The following APP variants were observed in gnomAD, a reference collection of about 807,000 sequenced individuals.
The protein encoded by APP is amyloid beta precursor protein.
Under a neutral mutation model 101.4 loss-of-function variants are expected in APP, and 31 were observed. The ratio of observed to expected loss-of-function variants is 0.31; its 90% CI spans 0.23 to 0.41. The LOEUF is 0.41. APP is among the 10% of genes least tolerant of loss of function. APP has a pLI of 1.00. For synonymous variants in APP, 366 were observed against 364.4 expected (o/e 1.00, Z -0.05); for missense variants, 839 against 1,003.7 (o/e 0.84, Z 2.22).
At chr21:25,918,727 C>T (rs1046670513) in intron 13 of APP, among the ~76,000 whole-genome samples, 1 of 151,530 alleles carries the variant, frequency 6.6e-6, no homozygotes, top group Non-Finnish European at 1.5e-5. Flanking sequence ...CTCGGAGGGT[C>T]CTACGCCCAC....
chr21:26,170,967 C>T, upstream of APP: 1 of 212,902 alleles, frequency 4.7e-6, no homozygotes, highest in Non-Finnish European at 9.2e-6. Flanking sequence ...CCCCTCCGCT[C>T]CCCGGCCGAC....
intron 6 of APP, among the ~76,000 whole-genome samples, chr21:26,010,687 G>A (rs1465198474): frequency 5.9e-5 from 9 of 151,694 alleles, no homozygotes; most frequent in Non-Finnish European, 1.3e-4. Flanking sequence ...CGGGCGCAGT[G>A]GCAGGTGCCT....
chr21:25,969,872 A>AAGAAG (rs1490167421), intron 11 of APP, among the ~76,000 whole-genome samples: 1 of 107,492 alleles, frequency 9.3e-6, no homozygotes, highest in Non-Finnish European at 1.9e-5. Flanking sequence ...AAGAAAAGAA[A>AAGAAG]AGAGAAAAGA....
chr21:26,105,060 A>C (rs1466804524), intron 2 of APP, among the ~76,000 whole-genome samples: 10 of 106,736 alleles, frequency 9.4e-5, no homozygotes, highest in African/African-American at 3.8e-4. Context: ...GTTTCCACGC[A>C]TTTTTTTCAA....
At chr21:25,896,533 G>T (rs2146259192) in intron 16 of APP, among the ~76,000 whole-genome samples, 1 of 152,230 alleles carries the variant, frequency 6.6e-6, no homozygotes, top group East Asian at 1.9e-4. Context: ...TGATAAAATT[G>T]TCGTCTTCAT....
At chr21:26,159,601 A>C (rs1282124894) in intron 1 of APP, among the ~76,000 whole-genome samples, 1 of 152,234 alleles carries the variant, frequency 6.6e-6, no homozygotes, top group Non-Finnish European at 1.5e-5. Flanking sequence ...GAAATGAGCA[A>C]ACGAGCAATG....
At chr21:26,164,182 T>C (rs530446758) in intron 1 of APP, among the ~76,000 whole-genome samples, 10 of 152,294 alleles carry the variant, frequency 6.6e-5, no homozygotes, top group South Asian at 2.1e-4. Context: ...GAGGCGGAGA[T>C]TGCAGTGAGC....
At chr21:26,083,292 C>T (rs1355336391) in intron 3 of APP, among the ~76,000 whole-genome samples, 2 of 152,136 alleles carry the variant, frequency 1.3e-5, no homozygotes, top group East Asian at 3.8e-4. Context: ...AGAAAACCAC[C>T]TAAATGACCA....
At position 25,982,392 on chromosome 21, in the gene APP, C is replaced by T. The variant is rs1303646625; in HGVS notation, c.1176G>A (p.Gln392=). 1 of 1,613,810 alleles carries T rather than the reference C, an allele frequency of 6.2e-7. No individual in the cohort carries two copies. Among genetic ancestry groups the T allele is most frequent in the African/African-American group, 1.3e-5 (1 of 74,938 alleles). Residue 392 remains glutamine, a synonymous_variant, in exon 9 of 18, where the codon CAG becomes CAA. Coordinates refer to ENST00000346798, the MANE Select transcript of APP (RefSeq NM_000484.4). ...PGDENEHAHF[Q]KAKERLEAKH... is the part of the protein sequence containing the mutation. ...TGGCCTCAAGCCTCTCTTTGGCTTTCTGGAAATGGGCATGTTCATTCTCAT... is the reference window on the plus strand; with the variant it reads ...TGGCCTCAAGCCTCTCTTTGGCTTTTTGGAAATGGGCATGTTCATTCTCAT...
intron 1 of APP, among the ~76,000 whole-genome samples, chr21:26,164,984 A>G (rs534166038): frequency 1.3e-5 from 2 of 152,310 alleles, no homozygotes; most frequent in South Asian, 4.1e-4. Context: ...AAATTTTTCA[A>G]TGAGCATGAA....
At chr21:25,912,055 T>A in intron 13 of APP, 93 bp from the exon 14 acceptor site, 1 of 926,702 alleles carries the variant, frequency 1.1e-6, no homozygotes, top group Non-Finnish European at 1.8e-6. Context: ...AGGCAAGACT[T>A]CAACTGCTTT....
chr21:25,895,075 A>T (rs2037942761), intron 16 of APP, among the ~76,000 whole-genome samples: 1 of 151,914 alleles, frequency 6.6e-6, no homozygotes, highest in Non-Finnish European at 1.5e-5. Context: ...TTAGTAATAA[A>T]ATATTTTACT....
chr21:25,924,918 G>A (rs1033754223), intron 13 of APP, among the ~76,000 whole-genome samples: 3 of 152,024 alleles, frequency 2.0e-5, no homozygotes, highest in Non-Finnish European at 2.9e-5. Flanking sequence ...GGATCCCATG[G>A]AAAAATATTT....
At chr21:25,936,658 A>G (rs555399869) in intron 13 of APP, among the ~76,000 whole-genome samples, 1 of 152,350 alleles carries the variant, frequency 6.6e-6, no homozygotes, top group South Asian at 2.1e-4. Context: ...GCCTCCTCAG[A>G]AACCGACCTG....
chr21:26,043,301 T>C (rs1043571305), intron 5 of APP, among the ~76,000 whole-genome samples: 20 of 152,136 alleles, frequency 1.3e-4, no homozygotes, highest in Non-Finnish European at 4.4e-5. Flanking sequence ...AGTGGTGCGA[T>C]CTCAGCTCAC....
intron 16 of APP, among the ~76,000 whole-genome samples, chr21:25,892,267 C>T (rs1383258189): frequency 3.3e-5 from 5 of 151,990 alleles, no homozygotes; most frequent in South Asian, 4.2e-4. Context: ...TGGAAAGGCA[C>T]GATCATACTA....
At chr21:26,152,290 A>AAAAAAAAAAAAAAAAAAC (rs2063293024) in intron 1 of APP, among the ~76,000 whole-genome samples, 2 of 144,972 alleles carry the variant, frequency 1.4e-5, no homozygotes, top group African/African-American at 2.7e-5. Context: ...ATCTCAAAAA[A>AAAAAAAAAAAAAAAAAAC]AAAAAAAAAA....
chr21:26,131,253 A>G (rs9975699), intron 1 of APP, among the ~76,000 whole-genome samples: 138,210 of 151,666 alleles, frequency 0.91, 63,349 homozygotes, highest in Non-Finnish European at 0.97. Flanking sequence ...ATAAATAAAT[A>G]AATTAATTAA....
chr21:26,016,303 G>C (rs963886142), intron 6 of APP, among the ~76,000 whole-genome samples: 2 of 152,174 alleles, frequency 1.3e-5, no homozygotes, highest in African/African-American at 2.4e-5. Flanking sequence ...AAAGTGCTGG[G>C]ATTACAGGCG....
Sources: gnomAD v4.1 joint callset for allele counts (sites outside exome capture counted in the v4.1 genomes callset) on GRCh38, gnomAD v4.1.1 for gene constraint, MANE v1.5 for transcripts, NCBI Gene and HGNC (gene_info 2026-07-23, HGNC 2026-07-21) for gene names.